PDE1A: variants seen among roughly 807,000 people sequenced by gnomAD.
PDE1A encodes the protein dual specificity calcium/calmodulin-dependent 3',5'-cyclic nucleotide phosphodiesterase 1A.
A neutral mutation model predicts 61.7 loss-of-function variants in PDE1A; 35 were observed. That is an observed-to-expected ratio of 0.57 (90% CI 0.43 to 0.75). The LOEUF (loss-of-function observed/expected upper bound fraction) is 0.75, where lower values mean the gene tolerates loss of function less well. PDE1A is among the 30% of genes least tolerant of loss of function. The probability of loss-of-function intolerance (pLI) is 0.00; values close to 1 mark genes in which losing one functional copy is unlikely to be tolerated. For synonymous variants in PDE1A, 232 were observed against 213.2 expected (o/e 1.09, Z -0.77); for missense variants, 597 against 630.6 (o/e 0.95, Z 0.57).
At chr2:182,210,603 T>C (rs1687502201) in intron 7 of PDE1A, among the ~76,000 whole-genome samples, 1 of 152,224 alleles carries the variant, frequency 6.6e-6, no homozygotes, top group Non-Finnish European at 1.5e-5. Flanking sequence ...CTGTGGCTTG[T>C]CTTTTTAGTC....
At chr2:182,621,013 G>A in the PDE1A span, among the ~76,000 whole-genome samples, 1 of 152,094 alleles carries the variant, frequency 6.6e-6, no homozygotes, top group Non-Finnish European at 1.5e-5. Flanking sequence ...TTAAGGTTCA[G>A]CAGTTCATCT....
At chr2:182,424,701 A>G (rs1473771149) in intron 1 of PDE1A, among the ~76,000 whole-genome samples, 1 of 152,196 alleles carries the variant, frequency 6.6e-6, no homozygotes, top group Non-Finnish European at 1.5e-5. Flanking sequence ...TTCTCTGTGC[A>G]ATTAAGCCTA....
intron 13 of PDE1A, among the ~76,000 whole-genome samples, chr2:182,157,796 AGTT>A (rs2125290137): frequency 1.3e-5 from 2 of 152,294 alleles, no homozygotes; most frequent in South Asian, 2.1e-4. Flanking sequence ...TTGTAAACTG[AGTT>A]GAATTGGAGC....
At chr2:182,144,922 A>T (rs1690414073), downstream of PDE1A, among the ~76,000 whole-genome samples, 1 of 152,182 alleles carries the variant, frequency 6.6e-6, no homozygotes, top group South Asian at 2.1e-4. Flanking sequence ...AGAGCCAAAG[A>T]GTGGCTGACT....
chr2:182,696,769 C>T, the PDE1A span, among the ~76,000 whole-genome samples: 16 of 152,192 alleles, frequency 1.1e-4, no homozygotes, highest in East Asian at 2.3e-3. Flanking sequence ...TTGCTATAAA[C>T]CTAAGACTGC....
intron 1 of PDE1A, among the ~76,000 whole-genome samples, chr2:182,388,090 T>C (rs570141192): frequency 1.5e-4 from 23 of 152,108 alleles, no homozygotes; most frequent in African/African-American, 5.3e-4. Flanking sequence ...ACAAAGAAGA[T>C]CATTATATAA....
At chr2:182,392,735 A>G (rs1230452407) in intron 1 of PDE1A, among the ~76,000 whole-genome samples, 1 of 152,262 alleles carries the variant, frequency 6.6e-6, no homozygotes. Flanking sequence ...GCCAAAATGA[A>G]GGGGCCACAG....
chr2:182,519,832 T>C (rs758589498), intron 2 of PDE1A, among the ~76,000 whole-genome samples: 1 of 151,916 alleles, frequency 6.6e-6, no homozygotes, highest in African/African-American at 2.4e-5. Flanking sequence ...TTCACCTTTG[T>C]CTCTATTTTT....
the PDE1A span, among the ~76,000 whole-genome samples, chr2:182,560,078 T>A: frequency 6.6e-6 from 1 of 150,970 alleles, no homozygotes; most frequent in Admixed American, 6.6e-5. Context: ...TTTTTTTTTT[T>A]ATACTTTAAG....
At chr2:182,278,816 A>T (rs1220506651) in intron 1 of PDE1A, among the ~76,000 whole-genome samples, 2 of 152,010 alleles carry the variant, frequency 1.3e-5, no homozygotes, top group Non-Finnish European at 2.9e-5. Context: ...AATCTGGTAG[A>T]ATTGACTAAC....
intron 2 of PDE1A, among the ~76,000 whole-genome samples, chr2:182,255,863 G>A (rs1286464203): frequency 6.6e-6 from 1 of 151,102 alleles, no homozygotes; most frequent in Non-Finnish European, 1.5e-5. Context: ...TCACCATATT[G>A]GCCAGGCTGG....
chr2:182,376,885 A>G (rs772879928), intron 1 of PDE1A, among the ~76,000 whole-genome samples: 25 of 152,196 alleles, frequency 1.6e-4, no homozygotes, highest in Admixed American at 6.5e-5. Flanking sequence ...GAAGGATACA[A>G]AAGTGGAAAC....
At chr2:182,694,850 T>G in the PDE1A span, among the ~76,000 whole-genome samples, 1 of 149,544 alleles carries the variant, frequency 6.7e-6, no homozygotes, top group Non-Finnish European at 1.5e-5. Flanking sequence ...AGTTGTTTGT[T>G]TGTTTTTTTT....
intron 1 of PDE1A, among the ~76,000 whole-genome samples, chr2:182,334,032 A>C (rs1697608934): frequency 6.6e-6 from 1 of 152,202 alleles, no homozygotes; most frequent in Non-Finnish European, 1.5e-5. Context: ...TAAATCAGAA[A>C]TAAGTTGAAT....
chr2:182,707,779 G>A, the PDE1A span, among the ~76,000 whole-genome samples: 1 of 152,270 alleles, frequency 6.6e-6, no homozygotes, highest in East Asian at 1.9e-4. Flanking sequence ...TATTTTATGA[G>A]TCCAGCATTA....
At chr2:182,199,419 A>AT (rs572140101) in intron 10 of PDE1A, among the ~76,000 whole-genome samples, 1 of 151,678 alleles carries the variant, frequency 6.6e-6, no homozygotes, top group Admixed American at 6.6e-5. Flanking sequence ...TTTATTACAC[A>AT]TTTTTTTTCT....
At chr2:182,670,214 G>A in the PDE1A span, among the ~76,000 whole-genome samples, 7 of 152,192 alleles carry the variant, frequency 4.6e-5, no homozygotes, top group African/African-American at 1.7e-4. Flanking sequence ...GGTACTCAGG[G>A]GGTTTACCCT....
chr2:182,345,715 C>T (rs1698479840), intron 1 of PDE1A, among the ~76,000 whole-genome samples: 1 of 152,140 alleles, frequency 6.6e-6, no homozygotes, highest in African/African-American at 2.4e-5. Context: ...CCCCCAGGTT[C>T]TGTGTGGCTT....
intron 2 of PDE1A, among the ~76,000 whole-genome samples, chr2:182,498,757 A>G (rs959678983): frequency 2.6e-5 from 4 of 151,914 alleles, no homozygotes; most frequent in African/African-American, 9.7e-5. Context: ...ATCCTGGCTA[A>G]CACGGTGAAA....
Sources: gnomAD v4.1 joint callset for allele counts (sites outside exome capture counted in the v4.1 genomes callset) on GRCh38, gnomAD v4.1.1 for gene constraint, MANE v1.5 for transcripts, NCBI Gene and HGNC (gene_info 2026-07-23, HGNC 2026-07-21) for gene names.